Variants in GTF2F2 observed in about 807,000 individuals in gnomAD.
GTF2F2 encodes ATP-dependent helicase GTF2F2.
Under a neutral mutation model 42.2 loss-of-function variants are expected in GTF2F2, and 23 were observed. The ratio of observed to expected loss-of-function variants is 0.55; its 90% CI spans 0.39 to 0.77. The LOEUF (loss-of-function observed/expected upper bound fraction) is 0.77, where lower values mean the gene tolerates loss of function less well. Ranked by LOEUF, GTF2F2 falls within the 30% of genes least tolerant of loss-of-function variation. The pLI is 0.00. For missense variants in GTF2F2, 261 were observed against 287.2 expected, an observed-to-expected ratio of 0.91 and a Z score of 0.66; for synonymous variants, 105 against 100.8, an observed-to-expected ratio of 1.04 and a Z score of -0.25.
At chr13:45,128,053 C>T (rs1245289429) in intron 1 of GTF2F2, among the ~76,000 whole-genome samples, 2 of 142,416 alleles carry the variant, frequency 1.4e-5, no homozygotes, top group Non-Finnish European at 3.0e-5. Context: ...CTCTGCCTCC[C>T]GGATTCACGC....
chr13:45,267,689 G>A (rs1440082748), intron 7 of GTF2F2, among the ~76,000 whole-genome samples: 3 of 151,932 alleles, frequency 2.0e-5, no homozygotes, highest in Non-Finnish European at 4.4e-5. Flanking sequence ...CTCTGAGAAA[G>A]TTTAACTCCT....
At chr13:45,145,913 C>G (rs1593453666) in intron 2 of GTF2F2, among the ~76,000 whole-genome samples, 1 of 152,156 alleles carries the variant, frequency 6.6e-6, no homozygotes, top group Non-Finnish European at 1.5e-5. Flanking sequence ...CCTTACCCCA[C>G]TAAGGGTCCA....
At chr13:45,174,629 T>TTTTTC (rs1270580802) in intron 4 of GTF2F2, among the ~76,000 whole-genome samples, 5,023 of 139,684 alleles carry the variant, frequency 0.036, 262 homozygotes, top group African/African-American at 0.12. Context: ...ACTGTTTTCT[T>TTTTTC]TTTTCTTTTT....
intron 5 of GTF2F2, among the ~76,000 whole-genome samples, chr13:45,217,352 C>G (rs900058913): frequency 6.6e-6 from 1 of 150,376 alleles, no homozygotes; most frequent in Admixed American, 6.6e-5. Flanking sequence ...CTGACCGTTT[C>G]TCTTCACACA....
intron 5 of GTF2F2, among the ~76,000 whole-genome samples, chr13:45,246,645 C>T (rs1875635422): frequency 6.6e-6 from 1 of 152,214 alleles, no homozygotes; most frequent in Admixed American, 6.5e-5. Context: ...CAAAAATTCT[C>T]TGATTTTTCA....
Position 45,156,942 on chromosome 13 carries a change from C to T in GTF2F2, c.304+5111C>T, listed in dbSNP as rs962107890. ...GATGCTTTAACAAGCAAAGGCTTAG[C>T]CCTTGTGGTGCTTACATTTTACTAA... On this transcript the variant is annotated intron_variant, in intron 4 of 7. Transcript: ENST00000340473. Among the ~76,000 whole-genome samples the T allele has an allele frequency of 2.2e-4, 34 of 152,246 alleles. 1 individual carries two copies. Among genetic ancestry groups the T allele is most frequent in the African/African-American group, 7.0e-4 (29 of 41,540 alleles).
At chr13:45,233,242 A>AC (rs929634472) in intron 5 of GTF2F2, among the ~76,000 whole-genome samples, 1 of 151,986 alleles carries the variant, frequency 6.6e-6, no homozygotes, top group African/African-American at 2.4e-5. Context: ...GCATCGTGAG[A>AC]CCCCATCTCT....
intron 5 of GTF2F2, among the ~76,000 whole-genome samples, chr13:45,247,364 G>A (rs1292938328): frequency 6.6e-6 from 1 of 151,008 alleles, no homozygotes; most frequent in African/African-American, 2.4e-5. Flanking sequence ...CTGAATATAA[G>A]CTATTCTGTT....
At chr13:45,159,025 T>A (rs553997004) in intron 4 of GTF2F2, among the ~76,000 whole-genome samples, 1 of 152,350 alleles carries the variant, frequency 6.6e-6, no homozygotes, top group East Asian at 1.9e-4. Flanking sequence ...TTGCTCATTA[T>A]ATTTTGGCAC....
chr13:45,190,657 G>T (rs139742803), intron 4 of GTF2F2, among the ~76,000 whole-genome samples: 1 of 152,060 alleles, frequency 6.6e-6, no homozygotes, highest in African/African-American at 2.4e-5. Flanking sequence ...CATGGTATCC[G>T]GCATATAGTA....
intron 5 of GTF2F2, among the ~76,000 whole-genome samples, chr13:45,218,448 G>A (rs527301764): frequency 3.9e-5 from 6 of 152,172 alleles, no homozygotes; most frequent in South Asian, 2.1e-4. Flanking sequence ...AAATTGACAC[G>A]ATAATTGCCA....
chr13:45,278,864 C>A (rs1166411807), intron 7 of GTF2F2, among the ~76,000 whole-genome samples: 1 of 114,920 alleles, frequency 8.7e-6, no homozygotes, highest in African/African-American at 3.6e-5. Context: ...TGCTCTGTTG[C>A]CCATGCTGGA....
intron 5 of GTF2F2, among the ~76,000 whole-genome samples, chr13:45,213,009 T>C (rs192460715): frequency 6.6e-6 from 1 of 152,304 alleles, no homozygotes; most frequent in East Asian, 1.9e-4. Flanking sequence ...CCCAATGTGC[T>C]GGGGTTACAG....
At chr13:45,250,324 G>T (rs1479834992) in intron 5 of GTF2F2, among the ~76,000 whole-genome samples, 5 of 151,974 alleles carry the variant, frequency 3.3e-5, no homozygotes, top group Non-Finnish European at 7.4e-5. Flanking sequence ...CAAATTACAG[G>T]TGTGAGCCAC....
chr13:45,241,317 T>G (rs1040912578), intron 5 of GTF2F2, among the ~76,000 whole-genome samples: 1 of 152,036 alleles, frequency 6.6e-6, no homozygotes, highest in African/African-American at 2.4e-5. Context: ...GTGGAGCATA[T>G]TCTCTATTTT....
At chr13:45,194,561 G>T (rs766636820) in intron 4 of GTF2F2, 1 of 1,606,646 alleles carries the variant, frequency 6.2e-7, no homozygotes, top group Non-Finnish European at 8.5e-7. Flanking sequence ...TTTATTTTAC[G>T]CTCCATTTTT....
chr13:45,165,543 T>A (rs116036912), intron 4 of GTF2F2, among the ~76,000 whole-genome samples: 1,795 of 148,248 alleles, frequency 0.012, 39 homozygotes, highest in African/African-American at 0.039. Context: ...GGAAAGAAAA[T>A]AAACCTTTCT....
chr13:45,137,808 A>G (rs1869706175), intron 2 of GTF2F2, among the ~76,000 whole-genome samples: 1 of 151,854 alleles, frequency 6.6e-6, no homozygotes, highest in African/African-American at 2.4e-5. Context: ...CCACCTTTTG[A>G]TGGAAGCTGC....
intron 4 of GTF2F2, among the ~76,000 whole-genome samples, chr13:45,158,277 C>G (rs954215550): frequency 4.6e-5 from 7 of 152,104 alleles, no homozygotes; most frequent in African/African-American, 1.7e-4. Flanking sequence ...AAGGGGTTTC[C>G]CCTTTCACTT....
Sources: allele counts gnomAD v4.1 joint callset (sites outside exome capture counted in the v4.1 genomes callset), GRCh38; gene constraint gnomAD v4.1.1; transcripts MANE v1.5; gene names NCBI Gene and HGNC (gene_info 2026-07-23, HGNC 2026-07-21).